The following CARMIL1 variants were observed in gnomAD, a reference collection of about 807,000 sequenced individuals.
CARMIL1 encodes the protein capping protein regulator and myosin 1 linker 1.
A neutral mutation model predicts 177.1 loss-of-function variants in CARMIL1; 90 were observed. The observed-to-expected ratio is 0.51, with a 90% CI of 0.43 to 0.61. The LOEUF (loss-of-function observed/expected upper bound fraction) is 0.61, where lower values mean the gene tolerates loss of function less well. Ranked by LOEUF, CARMIL1 falls within the 20% of genes least tolerant of loss-of-function variation. CARMIL1 has a pLI of 0.00. For missense variants in CARMIL1, 1,380 were observed against 1,667.0 expected (o/e 0.83, Z 3.00); for synonymous variants, 577 against 606.2 (o/e 0.95, Z 0.71).
At chr6:25,367,313 A>C (rs1350759450) in intron 2 of CARMIL1, among the ~76,000 whole-genome samples, 1 of 152,210 alleles carries the variant, frequency 6.6e-6, no homozygotes, top group Non-Finnish European at 1.5e-5. Context: ...AAAAACAAAC[A>C]AAGCAATGTT....
intron 16 of CARMIL1, among the ~76,000 whole-genome samples, chr6:25,497,494 G>A (rs1002913957): frequency 6.6e-6 from 1 of 152,132 alleles, no homozygotes; most frequent in Non-Finnish European, 1.5e-5. Flanking sequence ...GAAAAGGGAA[G>A]GGGGAGAAAG....
At chr6:25,312,562 GTTGT>G (rs1478205681) in intron 2 of CARMIL1, among the ~76,000 whole-genome samples, 3 of 151,984 alleles carry the variant, frequency 2.0e-5, no homozygotes, top group Admixed American at 1.3e-4. Context: ...CTCATTTTTT[GTTGT>G]TTTTGTTTTT....
intron 31 of CARMIL1, among the ~76,000 whole-genome samples, chr6:25,581,888 CT>C (rs1384191561): frequency 6.6e-6 from 1 of 152,174 alleles, no homozygotes; most frequent in African/African-American, 2.4e-5. Context: ...ACTGAGGTAA[CT>C]GAAGTGTTGG....
chr6:25,344,317 A>C (rs1787276792), intron 2 of CARMIL1, among the ~76,000 whole-genome samples: 1 of 151,790 alleles, frequency 6.6e-6, no homozygotes, highest in South Asian at 2.1e-4. Flanking sequence ...CCATGTCCTC[A>C]CTTCTCCCCT....
chr6:25,384,436 C>T (rs369725844), intron 2 of CARMIL1, among the ~76,000 whole-genome samples: 3 of 152,226 alleles, frequency 2.0e-5, no homozygotes, highest in Non-Finnish European at 2.9e-5. Flanking sequence ...GTATCAGCCA[C>T]GTGTACAATA....
At chr6:25,283,984 C>T (rs1184588835) in intron 1 of CARMIL1, among the ~76,000 whole-genome samples, 1 of 152,116 alleles carries the variant, frequency 6.6e-6, no homozygotes, top group African/African-American at 2.4e-5. Flanking sequence ...TCCCAAAGTG[C>T]TGGGATTACA....
intron 2 of CARMIL1, among the ~76,000 whole-genome samples, chr6:25,416,418 A>G (rs1320886358): frequency 6.6e-6 from 1 of 152,092 alleles, no homozygotes; most frequent in African/African-American, 2.4e-5. Flanking sequence ...CATAATCTCC[A>G]TGTGCCTCTG....
At chr6:25,562,537 G>A (rs557968685) in intron 29 of CARMIL1, among the ~76,000 whole-genome samples, 28 of 152,240 alleles carry the variant, frequency 1.8e-4, no homozygotes, top group Admixed American at 7.2e-4. Flanking sequence ...ATGAGCCACC[G>A]CACCCGGCCA....
chr6:25,519,373 CT>C (rs1480094303), intron 22 of CARMIL1, among the ~76,000 whole-genome samples: 1 of 152,190 alleles, frequency 6.6e-6, no homozygotes, highest in Non-Finnish European at 1.5e-5. Context: ...ATCTCTAATA[CT>C]GGCATTTGTG....
At chr6:25,454,095 T>C (rs949794902) in intron 8 of CARMIL1, among the ~76,000 whole-genome samples, 3 of 152,236 alleles carry the variant, frequency 2.0e-5, no homozygotes, top group African/African-American at 7.2e-5. Flanking sequence ...TCAAACCTTT[T>C]AGAAAAATTA....
intron 2 of CARMIL1, among the ~76,000 whole-genome samples, chr6:25,362,143 T>C (rs1303085111): frequency 6.6e-6 from 1 of 152,032 alleles, no homozygotes; most frequent in African/African-American, 2.4e-5. Flanking sequence ...TGTAAGCAGC[T>C]CCCCCTCAGG....
chr6:25,314,208 G>A (rs1471480530), intron 2 of CARMIL1, among the ~76,000 whole-genome samples: 4 of 123,832 alleles, frequency 3.2e-5, no homozygotes, highest in East Asian at 2.9e-4. Flanking sequence ...CCACCCACCC[G>A]CCTCGGCCTC....
chr6:25,299,651 A>G (rs1365257373), intron 2 of CARMIL1, among the ~76,000 whole-genome samples: 1 of 151,952 alleles, frequency 6.6e-6, no homozygotes. Flanking sequence ...TGGCACCATC[A>G]CCCACTCTTC....
rs914372571 is a variant in CARMIL1 at position 25,382,407 on chromosome 6, C to T, written c.139-37707C>T. ...TCAAGAATGAAGCCGCGGACCTTTG[C>T]GGTGAGTGTTACAGCTCTTAAAGGT... On this transcript the variant is annotated intron_variant, in intron 2 of 36. Transcript: ENST00000329474. 3.9e-5 allele frequency among the ~76,000 whole-genome samples: 6 copies of T among 152,108 alleles called. No homozygotes were observed. The South Asian group carries it at 6.2e-4, about 16-fold the overall frequency.
chr6:25,581,135 T>C, intron 30 of CARMIL1, 108 bp from the exon 31 acceptor site: 1 of 1,271,382 alleles, frequency 7.9e-7, no homozygotes, highest in Non-Finnish European at 1.1e-6. Flanking sequence ...AATGTGTGTT[T>C]GCTATTCTAT....
At chr6:25,535,940 G>T (rs1262621230) in intron 24 of CARMIL1, among the ~76,000 whole-genome samples, 1 of 152,070 alleles carries the variant, frequency 6.6e-6, no homozygotes, top group Non-Finnish European at 1.5e-5. Flanking sequence ...AATTTTGATT[G>T]TTCTTTTGCA....
chr6:25,600,732 G>GC lies in CARMIL1; in HGVS notation c.3539dup (p.Cys1181ValfsTer9). On this transcript the variant is annotated frameshift_variant, in exon 33 of 37. Transcript: ENST00000329474. LOFTEE classifies it high-confidence loss of function. Reference sequence around the variant, plus strand: ...GAAAGCCAAGCAAGAGAAGAGAGCTGCGTGTGCGCAGAAGGTAAGGGTGGA... The same window carrying GC: ...GAAAGCCAAGCAAGAGAAGAGAGCTGCCGTGTGCGCAGAAGGTAAGGGTGGA... The GC allele has an allele frequency of 6.5e-7, 1 of 1,541,214 alleles. No homozygotes were observed. The highest frequency in any genetic ancestry group is 8.7e-7 in the Non-Finnish European group (1 of 1,147,310).
intron 26 of CARMIL1, among the ~76,000 whole-genome samples, chr6:25,544,630 CACA>C (rs1809258095): frequency 6.6e-6 from 1 of 151,652 alleles, no homozygotes; most frequent in East Asian, 1.9e-4. Flanking sequence ...CACACACACA[CACA>C]CACACACACA....
intron 2 of CARMIL1, 33 bp downstream of exon 2, chr6:25,284,942 T>C (rs779443949): frequency 7.7e-7 from 1 of 1,307,028 alleles, no homozygotes; most frequent in African/African-American, 1.5e-5. Flanking sequence ...ATTAAATGTT[T>C]GGAAATGAAA....
Sources: allele counts gnomAD v4.1 joint callset (sites outside exome capture counted in the v4.1 genomes callset), GRCh38; gene constraint gnomAD v4.1.1; transcripts MANE v1.5; gene names NCBI Gene and HGNC (gene_info 2026-07-23, HGNC 2026-07-21).